The following COL15A1 variants were observed in gnomAD, a reference collection of about 807,000 sequenced individuals.
COL15A1 encodes the protein collagen type XV alpha 1 chain.
In COL15A1, 111 loss-of-function variants were observed where a neutral mutation model predicts 165.9. The ratio of observed to expected loss-of-function variants is 0.67; its 90% confidence interval spans 0.57 to 0.78. The LOEUF is 0.78. COL15A1 is among the 30% of genes least tolerant of loss of function. The pLI, the probability that COL15A1 is intolerant of heterozygous loss-of-function variation, is 0.00. For missense variants in COL15A1, 1,745 were observed against 1,789.7 expected (o/e 0.98, Z 0.45); for synonymous variants, 659 against 674.8 (o/e 0.98, Z 0.36).
intron 39 of COL15A1, among the ~76,000 whole-genome samples, chr9:99,065,839 C>G (rs1371055271): frequency 6.6e-6 from 1 of 151,252 alleles, no homozygotes; most frequent in Non-Finnish European, 1.5e-5. Context: ...CACTGTAGCT[C>G]ATGGCCAGTT....
intron 12 of COL15A1, 52 bp from the exon 13 acceptor site, chr9:99,022,039 A>C: frequency 6.2e-7 from 1 of 1,605,438 alleles, no homozygotes; most frequent in Non-Finnish European, 8.5e-7. Flanking sequence ...AAAGGTGGGG[A>C]GATGGTAGGA....
intron 2 of COL15A1, among the ~76,000 whole-genome samples, chr9:98,980,547 G>C (rs1414216636): frequency 2.0e-5 from 3 of 152,218 alleles, no homozygotes; most frequent in African/African-American, 7.2e-5. Flanking sequence ...AGGCATGTCA[G>C]GGAGTAGGGA....
chr9:99,056,110 C>A (rs1403576553), intron 34 of COL15A1, 150 bp from the exon 35 acceptor site: 1 of 838,492 alleles, frequency 1.2e-6, no homozygotes, highest in Non-Finnish European at 1.9e-6. Flanking sequence ...GGAGGCCTTA[C>A]CCCACCTTGA....
At position 99,025,937 on chromosome 9, in the gene COL15A1, A is replaced by G. The variant is rs201022302; in HGVS notation, c.2014A>G (p.Thr672Ala). The G allele has an allele frequency of 6.9e-5, 112 of 1,612,910 alleles. No individual in the cohort carries two copies. In the Middle Eastern group the frequency reaches 9.9e-4, roughly 14 times the overall value. The change falls in exon 16 of 42, where the codon ACC (threonine) becomes GCC (alanine). Residue 672 changes from threonine (T) to alanine (A), a missense_variant. Thr to Ala is a moderately conservative substitution (Grantham distance 58). Transcript: ENST00000375001. The part of the protein sequence containing the change: ...PEGQPGVDGA[T>A]GLPGMKGEKG... ...GGGACAGCCTGGAGTTGATGGAGCC[A>G]CCGGCCTTCCCGGGATGAAAGGGGA...
At position 99,069,917 on chromosome 9, in the gene COL15A1, A is replaced by C. The variant is rs1335932991; in HGVS notation, c.*31A>C. The C allele has an allele frequency of 1.3e-6, 2 of 1,546,718 alleles. No homozygotes were observed. The highest frequency in any genetic ancestry group is 1.2e-5 in the South Asian group (1 of 86,378). On this transcript the variant is annotated 3_prime_UTR_variant, in exon 42 of 42. Coordinates refer to ENST00000375001, the MANE Select transcript of COL15A1 (RefSeq NM_001855.5). ...TTCTGATGATTCTTAAAGAGTTTTC[A>C]ATTTTTTCTTATGTGAAGAGTTGAC...
rs1248504574 is a variant in COL15A1 at position 99,069,748 on chromosome 9, A to C, written c.4029A>C (p.Arg1343=). 2 of 1,614,236 alleles carry C rather than the reference A, an allele frequency of 1.2e-6. No homozygotes were observed. The highest frequency in any genetic ancestry group is 1.7e-6 in the Non-Finnish European group (2 of 1,180,030). Residue 1343 remains arginine (R), a synonymous_variant, in exon 42 of 42, where the codon CGA becomes CGC. Transcript: ENST00000375001. ...TGGATAACTACTGTGAAGCATGGCG[A>C]ACCGCGGACACAGCGGTCACGGGAC... ...RLVDNYCEAW[R]TADTAVTGLA...
At chr9:99,041,341 G>A (rs548003806) in intron 23 of COL15A1, 8 of 152,372 alleles carry the variant, frequency 5.3e-5, no homozygotes, top group Admixed American at 2.6e-4. Flanking sequence ...ACAGGAACTT[G>A]TGAAAAGTTA....
chr9:98,956,290 A>G (rs1837774844), intron 2 of COL15A1, among the ~76,000 whole-genome samples: 1 of 152,230 alleles, frequency 6.6e-6, no homozygotes, highest in African/African-American at 2.4e-5. Context: ...TGGGTGGCAG[A>G]GAAAGTCCCC....
At chr9:98,958,100 T>C (rs961133722) in intron 2 of COL15A1, among the ~76,000 whole-genome samples, 5 of 152,258 alleles carry the variant, frequency 3.3e-5, no homozygotes, top group Non-Finnish European at 7.3e-5. Context: ...GAGGCAACTA[T>C]GGCAACAGTG....
Position 99,022,102 on chromosome 9 carries a change from G to A in COL15A1, c.1713G>A (p.Gly571=), listed in dbSNP as rs758032896. The change falls in exon 13 of 42, where the codon GGG becomes GGA. Residue 571 remains glycine, a synonymous_variant. Coordinates refer to ENST00000375001, the MANE Select transcript of COL15A1 (RefSeq NM_001855.5). Reference sequence around the variant, plus strand: ...TTTGTTCTCTTTAGGGTGATGCTGGGGAGGAGCTTCCTGGCCCTCCTGAAC... The same window carrying A: ...TTTGTTCTCTTTAGGGTGATGCTGGAGAGGAGCTTCCTGGCCCTCCTGAAC... The part of the protein sequence containing the change: ...AGPKGEKGDA[G]EELPGPPEPS... The A allele has an allele frequency of 6.2e-7, 1 of 1,614,142 alleles. No homozygotes were observed. The highest frequency in any genetic ancestry group is 8.5e-7 in the Non-Finnish European group (1 of 1,179,992).
chr9:98,997,191 A>C, intron 6 of COL15A1, 110 bp downstream of exon 6: 1 of 1,348,358 alleles, frequency 7.4e-7, no homozygotes, highest in Non-Finnish European at 1.0e-6. Context: ...CTTCCCCTCA[A>C]CCCTTTAAGA....
chr9:99,025,039 G>A (rs767991211), intron 15 of COL15A1, 40 bp downstream of exon 15: 3 of 1,600,694 alleles, frequency 1.9e-6, no homozygotes, highest in African/African-American at 1.3e-5. Flanking sequence ...TGTGGCTGTG[G>A]GGCTTCCTTT....
chr9:99,034,296 A>G (rs894258310), intron 16 of COL15A1, among the ~76,000 whole-genome samples: 3 of 152,196 alleles, frequency 2.0e-5, no homozygotes, highest in Admixed American at 1.3e-4. Context: ...TTAATCTTTA[A>G]CTTCTCTGGT....
intron 6 of COL15A1, among the ~76,000 whole-genome samples, chr9:99,000,359 G>T (rs1347802930): frequency 1.3e-5 from 2 of 151,470 alleles, no homozygotes; most frequent in Non-Finnish European, 2.9e-5. Context: ...TATTATGTAT[G>T]TCATAATCAT....
Position 99,004,968 on chromosome 9 carries a change from G to A in COL15A1, c.1271G>A (p.Gly424Glu), listed in dbSNP as rs752968243. ...GEAEALASMPGEVEASGVAPG... is the reference protein window; with the variant it reads ...GEAEALASMPEEVEASGVAPG... ...GCCGAGGCACTCGCCAGCATGCCTG[G>A]GGAAGTGGAGGCCAGTGGTGTGGCC... Residue 424 changes from glycine (G) to glutamate (E), a missense_variant, in exon 9 of 42, where the codon GGG becomes GAG. Coordinates refer to ENST00000375001, the MANE Select transcript of COL15A1 (RefSeq NM_001855.5). 1.2e-6 allele frequency: 2 copies of A among 1,614,084 alleles called. No individual in the cohort carries two copies. The highest frequency in any genetic ancestry group is 1.7e-6 in the Non-Finnish European group (2 of 1,179,980).
chr9:98,993,572 C>T (rs970670418), intron 5 of COL15A1, among the ~76,000 whole-genome samples: 1 of 152,140 alleles, frequency 6.6e-6, no homozygotes, highest in African/African-American at 2.4e-5. Context: ...GTCTCATTTG[C>T]AGGGAGGTGT....
chr9:99,050,434 T>C lies in COL15A1; in HGVS notation c.2904+539T>C, dbSNP rs879379783. Among the ~76,000 whole-genome samples the C allele has an allele frequency of 1.2e-4, 19 of 152,314 alleles. No individual in the cohort carries two copies. In the South Asian group the frequency reaches 1.9e-3, roughly 15 times the overall value. On this transcript the variant is annotated intron_variant, in intron 30 of 41. Coordinates refer to ENST00000375001, the MANE Select transcript of COL15A1 (RefSeq NM_001855.5). ...ATGGGACTTGACTGAGCTGGGATCA[T>C]AACTCAGGTCTCCTAACCACCAGGC... is the stretch of plus-strand genomic sequence containing the variant.
chr9:99,066,066 G>C (rs939528277), intron 39 of COL15A1, among the ~76,000 whole-genome samples: 3 of 152,120 alleles, frequency 2.0e-5, no homozygotes, highest in Admixed American at 6.5e-5. Context: ...CCCAGGTCCT[G>C]CACCAGCCTC....
Position 99,070,666 on chromosome 9 carries a change from G to A in COL15A1, c.*780G>A, listed in dbSNP as rs763141860. On this transcript the variant is annotated 3_prime_UTR_variant, in exon 42 of 42. Transcript: ENST00000375001. ...TTGGCAATTGTTGAATTATAACTGCGACTGAAACAAACAGGTTCATAGAGA... is the reference window on the plus strand; with the variant it reads ...TTGGCAATTGTTGAATTATAACTGCAACTGAAACAAACAGGTTCATAGAGA... 1.6e-5 allele frequency: 7 copies of A among 450,730 alleles called. No individual in the cohort carries two copies. The highest frequency in any genetic ancestry group is 1.4e-4 in the East Asian group (2 of 13,958). 27.9% of individuals were successfully genotyped at this position (450,730 alleles called of 1,614,324 possible).
Sources: allele counts gnomAD v4.1 joint callset (sites outside exome capture counted in the v4.1 genomes callset), GRCh38; gene constraint gnomAD v4.1.1; transcripts MANE v1.5; gene names NCBI Gene and HGNC (gene_info 2026-07-23, HGNC 2026-07-21).